PLEKHA7: variants seen among roughly 807,000 people sequenced by gnomAD.
PLEKHA7 encodes the protein pleckstrin homology domain-containing family A member 7.
In PLEKHA7, 104 loss-of-function variants were observed where a neutral mutation model predicts 170.0. That is an observed-to-expected ratio of 0.61 (90% CI 0.52 to 0.72). The LOEUF (loss-of-function observed/expected upper bound fraction) is 0.72, where lower values mean the gene tolerates loss of function less well. Ranked by LOEUF, PLEKHA7 falls within the 30% of genes least tolerant of loss-of-function variation. The pLI, the probability that PLEKHA7 is intolerant of heterozygous loss-of-function variation, is 0.00. For synonymous variants in PLEKHA7, 648 were observed against 660.8 expected (o/e 0.98, Z 0.30); for missense variants, 1,615 against 1,671.7 (o/e 0.97, Z 0.59).
In PLEKHA7 at chr11:17,014,385, A is replaced by T; in HGVS notation, c.17T>A (p.Val6Asp). Residue 6 changes from valine (V) to aspartate (D), a missense_variant, in exon 1 of 27, where the codon GTC (valine) becomes GAC (aspartate). By Grantham distance (152) the Val-to-Asp change is radical (BLOSUM62 -3). Transcript: ENST00000531066. MAAAT[V>D]GRDTLPEHWS... Reference sequence around the variant, plus strand: ...ATGCTCAGGTAAAGTGTCCCGCCCGACCGTCGCCGCCGCCATGTTCGCCGA... The same window carrying T: ...ATGCTCAGGTAAAGTGTCCCGCCCGTCCGTCGCCGCCGCCATGTTCGCCGA... 1 of 1,251,478 alleles carries T rather than the reference A, an allele frequency of 8.0e-7. No individual in the cohort carries two copies. The highest frequency in any genetic ancestry group is 1.9e-5 in the South Asian group (1 of 52,818). 77.5% of individuals were successfully genotyped at this position (1,251,478 alleles called of 1,614,324 possible).
rs549538847 is a variant in PLEKHA7, at chr11:16,874,296, C to A, written c.222-3114G>T. Among the ~76,000 whole-genome samples the A allele has an allele frequency of 3.9e-5, 6 of 152,228 alleles. 1 individual carries two copies. The South Asian group carries it at 1.2e-3, about 32-fold the overall frequency. ...CTGGGGCGGGTGAATCACTTAAGCC[C>A]AGGAGTTTGAGTTCAACCTGGGCAA... On this transcript the variant is annotated intron_variant, in intron 3 of 26. Coordinates refer to ENST00000531066, the MANE Select transcript of PLEKHA7 (RefSeq NM_001329630.2).
chr11:16,881,879 C>G (rs371303), intron 3 of PLEKHA7, among the ~76,000 whole-genome samples: 9 of 152,036 alleles, frequency 5.9e-5, no homozygotes, highest in Non-Finnish European at 8.8e-5. Context: ...TGATTCTTTC[C>G]TCAATGCTTG....
At chr11:16,979,985 G>C (rs1863325180) in intron 3 of PLEKHA7, among the ~76,000 whole-genome samples, 1 of 152,170 alleles carries the variant, frequency 6.6e-6, no homozygotes, top group Non-Finnish European at 1.5e-5. Context: ...GAGAAGCAAG[G>C]GGTCCTGCCA....
intron 4 of PLEKHA7, among the ~76,000 whole-genome samples, chr11:16,859,847 C>T (rs1352482070): frequency 6.6e-6 from 1 of 152,210 alleles, no homozygotes; most frequent in African/African-American, 2.4e-5. Flanking sequence ...TCACGCAGAC[C>T]CCTGGGAGAG....
intron 3 of PLEKHA7, among the ~76,000 whole-genome samples, chr11:16,945,944 C>T (rs1405464608): frequency 6.6e-6 from 1 of 152,216 alleles, no homozygotes; most frequent in Non-Finnish European, 1.5e-5. Flanking sequence ...GTAACCGGTG[C>T]TCTTTGCTTT....
chr11:16,798,922 T>G (rs181362358), intron 17 of PLEKHA7, among the ~76,000 whole-genome samples: 96 of 152,276 alleles, frequency 6.3e-4, no homozygotes, highest in African/African-American at 2.1e-3. Flanking sequence ...GAGGAATGGC[T>G]AAATAAAGTA....
At chr11:16,940,046 G>C (rs1860574734) in intron 3 of PLEKHA7, among the ~76,000 whole-genome samples, 2 of 152,264 alleles carry the variant, frequency 1.3e-5, no homozygotes, top group South Asian at 2.1e-4. Flanking sequence ...GGTGCTGGGG[G>C]CAAGAAGGGT....
At chr11:16,885,037 GT>G (rs1211315555) in intron 3 of PLEKHA7, among the ~76,000 whole-genome samples, 8 of 152,052 alleles carry the variant, frequency 5.3e-5, no homozygotes, top group Non-Finnish European at 1.0e-4. Flanking sequence ...AAGAAGATCT[GT>G]TTTAAGAAAT....
intron 3 of PLEKHA7, among the ~76,000 whole-genome samples, chr11:16,929,998 G>A (rs182760170): frequency 3.0e-4 from 46 of 151,710 alleles, no homozygotes; most frequent in African/African-American, 9.9e-4. Flanking sequence ...GTGAGACTCC[G>A]TCTCAAAAAA....
intron 13 of PLEKHA7, among the ~76,000 whole-genome samples, chr11:16,812,653 C>T (rs889698824): frequency 4.6e-5 from 7 of 152,186 alleles, no homozygotes; most frequent in African/African-American, 1.2e-4. Flanking sequence ...CCTCCTAAAC[C>T]GAGATGGGAG....
intron 9 of PLEKHA7, among the ~76,000 whole-genome samples, chr11:16,838,591 CAG>C (rs1851703586): frequency 6.7e-6 from 1 of 149,882 alleles, no homozygotes; most frequent in South Asian, 2.1e-4. Flanking sequence ...TTAAGATAAT[CAG>C]ATACTATTTA....
intron 3 of PLEKHA7, among the ~76,000 whole-genome samples, chr11:16,873,888 A>C (rs181569725): frequency 6.6e-6 from 1 of 152,212 alleles, no homozygotes; most frequent in Non-Finnish European, 1.5e-5. Flanking sequence ...GCTGGTCTTA[A>C]ACTCCTGACC....
At chr11:16,940,153 C>T (rs921603513) in intron 3 of PLEKHA7, among the ~76,000 whole-genome samples, 1 of 152,166 alleles carries the variant, frequency 6.6e-6, no homozygotes, top group African/African-American at 2.4e-5. Context: ...AGAAGTACCA[C>T]TTGTGTCTTC....
intron 3 of PLEKHA7, among the ~76,000 whole-genome samples, chr11:16,883,156 C>G (rs1467127007): frequency 6.6e-6 from 1 of 152,138 alleles, no homozygotes; most frequent in East Asian, 1.9e-4. Flanking sequence ...CTGTATAGAA[C>G]CTCCAAAATG....
In PLEKHA7 at chr11:16,841,548, T is replaced by G. The variant is rs775527466; in HGVS notation, c.871A>C (p.Arg291=). ...AQVLSRSSLK[R]DMEKVERQAV... is the part of the protein sequence containing the mutation. ...CAGGGACCCTCCATCAGAACTAACC[T>G]CTTCAGTGACGATCGAGACAGCACC... The change falls in exon 9 of 27, where the codon AGG becomes CGG. Residue 291 remains arginine, a splice_region_variant and synonymous_variant. Coordinates refer to ENST00000531066, the MANE Select transcript of PLEKHA7 (RefSeq NM_001329630.2). 1 of 1,612,730 alleles carries G rather than the reference T, an allele frequency of 6.2e-7. No homozygotes were observed. Among genetic ancestry groups the G allele is most frequent in the Non-Finnish European group, 8.5e-7 (1 of 1,179,722 alleles).
intron 13 of PLEKHA7, among the ~76,000 whole-genome samples, chr11:16,804,956 C>T (rs1473470460): frequency 6.6e-6 from 1 of 152,154 alleles, no homozygotes; most frequent in Non-Finnish European, 1.5e-5. Flanking sequence ...TCACAAACAG[C>T]TGAACTTCTC....
intron 3 of PLEKHA7, among the ~76,000 whole-genome samples, chr11:16,966,852 C>CCTGA (rs1862406234): frequency 2.0e-5 from 3 of 152,282 alleles, no homozygotes; most frequent in Admixed American, 1.3e-4. Context: ...CTGGAGCCTG[C>CCTGA]CTGAATTCAG....
chr11:17,006,563 G>A (rs1393526912), intron 3 of PLEKHA7, among the ~76,000 whole-genome samples: 1 of 151,308 alleles, frequency 6.6e-6, no homozygotes, highest in Non-Finnish European at 1.5e-5. Flanking sequence ...GGGAAGCAGA[G>A]GTGCAGTGAG....
At chr11:16,944,209 C>T (rs183933013) in intron 3 of PLEKHA7, among the ~76,000 whole-genome samples, 1 of 152,138 alleles carries the variant, frequency 6.6e-6, no homozygotes, top group East Asian at 1.9e-4. Context: ...CAAAAGTTAG[C>T]CAGGTGTGGT....
Sources: gnomAD v4.1 joint callset for allele counts (sites outside exome capture counted in the v4.1 genomes callset) on GRCh38, gnomAD v4.1.1 for gene constraint, MANE v1.5 for transcripts, NCBI Gene and HGNC (gene_info 2026-07-23, HGNC 2026-07-21) for gene names.